MOV10L1: variants seen among roughly 807,000 people sequenced by gnomAD.
MOV10L1 encodes Mov10 like RNA helicase 1, also known as RNA helicase Mov10l1.
A neutral mutation model predicts 143.8 loss-of-function variants in MOV10L1; 110 were observed. The observed-to-expected ratio is 0.76, with a 90% CI of 0.66 to 0.90. The LOEUF (loss-of-function observed/expected upper bound fraction) is 0.90, where lower values mean the gene tolerates loss of function less well. MOV10L1 is among the 40% of genes least tolerant of loss of function. MOV10L1 has a pLI of 0.00. For missense variants in MOV10L1, 1,406 were observed against 1,526.8 expected (o/e 0.92, Z 1.32); for synonymous variants, 593 against 581.1 (o/e 1.02, Z -0.29).
rs2063560708 is a variant in MOV10L1 at position 50,161,559 on chromosome 22, CGT to C, written c.*116_*117del. The C allele has an allele frequency of 7.1e-6, 8 of 1,124,016 alleles. No individual in the cohort carries two copies. Among genetic ancestry groups the C allele is most frequent in the Non-Finnish European group, 1.0e-5 (8 of 797,410 alleles). 69.6% of individuals were successfully genotyped at this position (1,124,016 alleles called of 1,614,324 possible). ...CCCTTGTCTCGCAGCCAGGCAGGGT[CGT>C]GTGTGGGTGTGGGGCTGCCAGGTTG... is the stretch of plus-strand genomic sequence containing the variant. On this transcript the variant is annotated 3_prime_UTR_variant, in exon 27 of 27. Transcript: ENST00000262794.
chr22:50,136,125 G>T (rs1295678226), intron 15 of MOV10L1, among the ~76,000 whole-genome samples: 2 of 152,148 alleles, frequency 1.3e-5, no homozygotes, highest in Non-Finnish European at 2.9e-5. Flanking sequence ...GGTTATCCTT[G>T]AAAGTCATCT....
intron 15 of MOV10L1, 94 bp downstream of exon 15, chr22:50,134,724 C>A (rs553857635): frequency 9.4e-7 from 1 of 1,059,862 alleles, no homozygotes; most frequent in Non-Finnish European, 1.4e-6. Context: ...GTGACTGTCT[C>A]TACACAGGGG....
Position 50,158,385 on chromosome 22 carries a change from C to T in MOV10L1, c.3216+179C>T, listed in dbSNP as rs2063479683. 1.5e-6 allele frequency: 1 copy of T among 662,814 alleles called. No individual in the cohort carries two copies. Among genetic ancestry groups the T allele is most frequent in the Admixed American group, 3.4e-5 (1 of 29,198 alleles). 41.1% of individuals were successfully genotyped at this position (662,814 alleles called of 1,614,324 possible). On this transcript the variant is annotated intron_variant, in intron 23 of 26. Transcript: ENST00000262794. This position sits in a 1 kb window ranked among gnomAD's most constrained non-coding sequence, Gnocchi z 5.0. ...GGTCACCCAACTGCCATCCATGGGC[C>T]AGTTCCGGGCAGCTGCCAGCTTTTC...
intron 3 of MOV10L1, among the ~76,000 whole-genome samples, chr22:50,099,903 C>T (rs372044277): frequency 6.6e-6 from 1 of 152,154 alleles, no homozygotes; most frequent in African/African-American, 2.4e-5. Context: ...AGTAGCTTCT[C>T]CAGGTGCTGG....
chr22:50,148,576 G>A (rs2063213608), intron 19 of MOV10L1, among the ~76,000 whole-genome samples: 1 of 152,204 alleles, frequency 6.6e-6, no homozygotes, highest in African/African-American at 2.4e-5. Flanking sequence ...CGCCAGGAGG[G>A]CTGCTCTGTA....
At position 50,099,676 on chromosome 22, in the gene MOV10L1, G is replaced by A. The variant is rs375340653; in HGVS notation, c.442+74G>A. ...TAAAGAATTGTTATGGACCAGGCAC[G>A]GTGGCTCATGCCTATAATCCCAGCA... On this transcript the variant is annotated intron_variant, in intron 3 of 26. Transcript: ENST00000262794. The A allele has an allele frequency of 2.9e-5, 43 of 1,505,550 alleles. 1 individual carries two copies. Among genetic ancestry groups the A allele is most frequent in the African/African-American group, 2.2e-4 (16 of 72,736 alleles). 93.3% of individuals were successfully genotyped at this position (1,505,550 alleles called of 1,614,324 possible).
intron 3 of MOV10L1, among the ~76,000 whole-genome samples, chr22:50,103,404 A>G (rs551936753): frequency 1.5e-3 from 222 of 152,288 alleles, no homozygotes; most frequent in Admixed American, 4.2e-3. Flanking sequence ...TGAATTGGAC[A>G]TTTAGCTGAA....
chr22:50,161,041 G>T lies in MOV10L1; in HGVS notation c.3540G>T (p.Leu1180=). The T allele has an allele frequency of 6.2e-7, 1 of 1,614,000 alleles. No homozygotes were observed. Among genetic ancestry groups the T allele is most frequent in the Non-Finnish European group, 8.5e-7 (1 of 1,179,948 alleles). The change falls in exon 26 of 27, where the codon CTG becomes CTT. Residue 1180 remains leucine, a synonymous_variant. Transcript: ENST00000262794. ...VYMGCDLPPA[L]QSLQNCGEGV... ...TGGGATGCGATTTACCTCCTGCACT[G>T]CAGTCTCTGCAAAAGTGAGCGCTTC... is the stretch of plus-strand genomic sequence containing the variant.
intron 5 of MOV10L1, among the ~76,000 whole-genome samples, chr22:50,111,668 T>C (rs962638400): frequency 1.3e-5 from 2 of 151,718 alleles, no homozygotes; most frequent in Non-Finnish European, 2.9e-5. Flanking sequence ...CATGCCTGGC[T>C]AATTTTTTGT....
At chr22:50,136,036 T>A (rs1377589405) in intron 15 of MOV10L1, among the ~76,000 whole-genome samples, 1 of 152,218 alleles carries the variant, frequency 6.6e-6, no homozygotes, top group Non-Finnish European at 1.5e-5. Context: ...CATTTTATAG[T>A]TCCTCCCCCA....
At chr22:50,107,462 G>A (rs1306871223) in intron 3 of MOV10L1, among the ~76,000 whole-genome samples, 2 of 152,288 alleles carry the variant, frequency 1.3e-5, no homozygotes, top group East Asian at 3.9e-4. Context: ...GCTTTCTGGA[G>A]ACACAAACTC....
At chr22:50,105,773 C>A (rs756039439) in intron 3 of MOV10L1, among the ~76,000 whole-genome samples, 1 of 152,168 alleles carries the variant, frequency 6.6e-6, no homozygotes, top group Non-Finnish European at 1.5e-5. Flanking sequence ...GTTGGGGGAG[C>A]AGCAAAGAGA....
At chr22:50,124,851 C>G (rs570957019) in intron 10 of MOV10L1, among the ~76,000 whole-genome samples, 1 of 152,350 alleles carries the variant, frequency 6.6e-6, no homozygotes, top group African/African-American at 2.4e-5. Context: ...GAGCTCTGTT[C>G]AGGCACAGGT....
chr22:50,096,650 CT>C (rs940668220), intron 2 of MOV10L1, among the ~76,000 whole-genome samples: 3 of 151,682 alleles, frequency 2.0e-5, no homozygotes, highest in South Asian at 2.1e-4. Flanking sequence ...TTTTCTTTTT[CT>C]TTTTTTTTCT....
chr22:50,137,721 T>C (rs945878535), intron 15 of MOV10L1, among the ~76,000 whole-genome samples: 2 of 147,922 alleles, frequency 1.4e-5, no homozygotes, highest in East Asian at 3.9e-4. Context: ...TACATATGTA[T>C]ATACACATAT....
At chr22:50,102,652 A>G (rs528042153) in intron 3 of MOV10L1, among the ~76,000 whole-genome samples, 1 of 152,326 alleles carries the variant, frequency 6.6e-6, no homozygotes, top group African/African-American at 2.4e-5. Context: ...CTGTCATCCC[A>G]GCACTTTGGG....
chr22:50,157,512 G>T (rs1354252863), intron 22 of MOV10L1, among the ~76,000 whole-genome samples: 1 of 152,066 alleles, frequency 6.6e-6, no homozygotes, highest in African/African-American at 2.4e-5. Flanking sequence ...GTTTCCAGGT[G>T]GTGTCAGGTG....
chr22:50,142,007 C>T (rs531032549), intron 15 of MOV10L1, 74 bp from the exon 16 acceptor site: 37 of 1,187,670 alleles, frequency 3.1e-5, no homozygotes, highest in African/African-American at 2.6e-4. Context: ...TAGATGTTTA[C>T]GTTTGCTCTT....
At chr22:50,108,338 T>A in intron 4 of MOV10L1, 90 bp downstream of exon 4, 1 of 1,196,730 alleles carries the variant, frequency 8.4e-7, no homozygotes, top group Non-Finnish European at 1.2e-6. Context: ...CCTGCATGTG[T>A]TGGAAGCCTG....
Sources: allele counts gnomAD v4.1 joint callset (sites outside exome capture counted in the v4.1 genomes callset), GRCh38; gene constraint gnomAD v4.1.1; non-coding constraint Gnocchi (gnomAD v3.1); transcripts MANE v1.5; gene names NCBI Gene and HGNC (gene_info 2026-07-23, HGNC 2026-07-21).